SLC2A9: variants seen among roughly 807,000 people sequenced by gnomAD.
The protein encoded by SLC2A9 is solute carrier family 2, facilitated glucose transporter member 9.
SLC2A9 carries 39 observed loss-of-function variants against 50.6 expected under a neutral mutation model. The ratio of observed to expected loss-of-function variants is 0.77; its 90% CI spans 0.60 to 1.01. SLC2A9 has a LOEUF of 1.01. Ranked by LOEUF, SLC2A9 falls within the 50% of genes least tolerant of loss-of-function variation. The pLI, the probability that SLC2A9 is intolerant of heterozygous loss-of-function variation, is 0.00. For synonymous variants in SLC2A9, 324 were observed against 276.9 expected (o/e 1.17, Z -1.69); for missense variants, 686 against 677.6 (o/e 1.01, Z -0.14).
chr4:9,981,174 ATGG>A (rs1223225805), intron 4 of SLC2A9, among the ~76,000 whole-genome samples: 13 of 150,592 alleles, frequency 8.6e-5, no homozygotes, highest in South Asian at 4.3e-4. Context: ...AATGGTAGTG[ATGG>A]TGGTGGTGGT....
intron 2 of SLC2A9, among the ~76,000 whole-genome samples, chr4:10,004,399 T>C (rs539901778): frequency 1.3e-5 from 2 of 152,248 alleles, no homozygotes; most frequent in South Asian, 2.1e-4. Flanking sequence ...TGACTACTTC[T>C]CAAGCAAGGA....
intron 5 of SLC2A9, among the ~76,000 whole-genome samples, chr4:9,965,712 A>G (rs1752949637): frequency 1.3e-5 from 2 of 152,232 alleles, no homozygotes; most frequent in African/African-American, 2.4e-5. Context: ...TGTGTTGTTT[A>G]TGGTATCTGT....
intron 6 of SLC2A9, among the ~76,000 whole-genome samples, chr4:9,933,610 G>T (rs77862592): frequency 0.026 from 3,999 of 152,198 alleles, 141 homozygotes; most frequent in Admixed American, 0.1. Context: ...TAGACTTTAG[G>T]GGGGTGAGGA....
chr4:9,906,718 C>CA (rs1178045347), intron 8 of SLC2A9, among the ~76,000 whole-genome samples: 3 of 152,156 alleles, frequency 2.0e-5, no homozygotes, highest in Admixed American at 6.5e-5. Flanking sequence ...AAATACTTTA[C>CA]AAAAAACAAA....
chr4:9,867,543 G>T (rs1233758013), intron 10 of SLC2A9, among the ~76,000 whole-genome samples: 1 of 152,240 alleles, frequency 6.6e-6, no homozygotes, highest in East Asian at 1.9e-4. Context: ...TTGACATTAG[G>T]AATGGAAGAG....
chr4:9,850,045 G>A (rs768424860), intron 10 of SLC2A9, among the ~76,000 whole-genome samples: 12 of 151,892 alleles, frequency 7.9e-5, no homozygotes, highest in Non-Finnish European at 1.8e-4. Context: ...CACATCTTCA[G>A]AGAGAAGGCA....
intron 8 of SLC2A9, among the ~76,000 whole-genome samples, chr4:9,893,536 T>C (rs1001506737): frequency 1.5e-5 from 2 of 131,752 alleles, no homozygotes; most frequent in Non-Finnish European, 3.1e-5. Context: ...GAAAGAGAGA[T>C]AGGGGGAGGC....
chr4:9,948,535 C>T (rs932278232), intron 5 of SLC2A9, among the ~76,000 whole-genome samples: 3 of 152,216 alleles, frequency 2.0e-5, no homozygotes, highest in African/African-American at 7.2e-5. Context: ...ACAGCTGGGC[C>T]TGTCCTCTGG....
intron 10 of SLC2A9, chr4:9,879,145 T>C: frequency 3.1e-6 from 3 of 959,882 alleles, no homozygotes; most frequent in South Asian, 4.9e-5. Context: ...TGACCAACCA[T>C]GGCCATTGTA....
chr4:10,003,653 C>T (rs1486211945), intron 2 of SLC2A9, among the ~76,000 whole-genome samples: 1 of 152,202 alleles, frequency 6.6e-6, no homozygotes, highest in Non-Finnish European at 1.5e-5. Flanking sequence ...TACCACAAGG[C>T]TGAAGCCAGT....
downstream of SLC2A9, among the ~76,000 whole-genome samples, chr4:9,797,240 A>G (rs1720701752): frequency 1.3e-5 from 2 of 152,118 alleles, no homozygotes; most frequent in Non-Finnish European, 2.9e-5. Flanking sequence ...GAACTATTTT[A>G]ATTCTCACAA....
chr4:9,965,890 G>A (rs575221089), intron 5 of SLC2A9, among the ~76,000 whole-genome samples: 1 of 152,322 alleles, frequency 6.6e-6, no homozygotes, highest in South Asian at 2.1e-4. Flanking sequence ...TTTTACGAAA[G>A]TAGTTAAAAG....
At chr4:10,011,882 C>A (rs997602944) in intron 2 of SLC2A9, among the ~76,000 whole-genome samples, 2 of 152,232 alleles carry the variant, frequency 1.3e-5, no homozygotes, top group Non-Finnish European at 2.9e-5. Context: ...AGCCAGCCAG[C>A]CCTCTGCCCA....
At chr4:9,999,676 A>C (rs924619271) in intron 2 of SLC2A9, among the ~76,000 whole-genome samples, 4 of 152,110 alleles carry the variant, frequency 2.6e-5, no homozygotes, top group African/African-American at 9.7e-5. Context: ...AGGTCATGGA[A>C]GTTAGCCTGG....
intron 3 of SLC2A9, among the ~76,000 whole-genome samples, chr4:9,816,901 A>G (rs1723676318): frequency 6.6e-6 from 1 of 152,056 alleles, no homozygotes; most frequent in Non-Finnish European, 1.5e-5. Context: ...AGTTCTGGGG[A>G]TCAAAAATCC....
intron 7 of SLC2A9, among the ~76,000 whole-genome samples, chr4:9,912,058 C>T (rs1010660537): frequency 6.6e-6 from 1 of 152,124 alleles, no homozygotes; most frequent in Non-Finnish European, 1.5e-5. Context: ...CCAAACACCG[C>T]ATATTCTCAC....
intron 3 of SLC2A9, among the ~76,000 whole-genome samples, chr4:9,787,124 T>A (rs536770797): frequency 2.0e-5 from 3 of 152,322 alleles, no homozygotes; most frequent in Admixed American, 1.3e-4. Flanking sequence ...ATCTGAGCAA[T>A]GGGCACATGA....
In SLC2A9 at chr4:9,941,937, G is replaced by C. The variant is rs767104912; in HGVS notation, c.790C>G (p.His264Asp). The C allele has an allele frequency of 6.2e-7, 1 of 1,614,180 alleles. No homozygotes were observed. The change falls in exon 6 of 12, where the codon CAC becomes GAC. Residue 264 changes from histidine to aspartate, a missense_variant. Transcript: ENST00000264784. ...DSPRYLLLEK[H>D]NEARAVKAFQ... is the part of the protein sequence containing the mutation. ...CCTTTCACAGCTCTTGCCTCGTTGT[G>C]CTTCTCCAAGAGCAGGTAGCGTGGG...
chr4:9,996,651 C>A, intron 3 of SLC2A9, 130 bp downstream of exon 3: 1 of 1,161,154 alleles, frequency 8.6e-7, no homozygotes, highest in East Asian at 2.6e-5. Flanking sequence ...CCCCTTTCCC[C>A]TTTGGGCATT....
Sources: allele counts gnomAD v4.1 joint callset (sites outside exome capture counted in the v4.1 genomes callset), GRCh38; gene constraint gnomAD v4.1.1; transcripts MANE v1.5; gene names NCBI Gene and HGNC (gene_info 2026-07-23, HGNC 2026-07-21).